Variants in AK7 observed in about 807,000 individuals in gnomAD.
AK7 encodes ATP-AMP transphosphorylase 7.
Under a neutral mutation model 96.6 loss-of-function variants are expected in AK7, and 78 were observed. The ratio of observed to expected loss-of-function variants is 0.81; its 90% confidence interval spans 0.67 to 0.97. AK7 has a LOEUF of 0.97. AK7 is among the 50% of genes least tolerant of loss of function. AK7 has a pLI of 0.00. For missense variants in AK7, 855 were observed against 887.9 expected, an observed-to-expected ratio of 0.96 and a Z score of 0.47; for synonymous variants, 302 against 317.2, an observed-to-expected ratio of 0.95 and a Z score of 0.51.
intron 12 of AK7, among the ~76,000 whole-genome samples, chr14:96,471,243 G>T (rs1894865513): frequency 6.7e-6 from 1 of 149,084 alleles, no homozygotes. Flanking sequence ...GAGGTGGGAA[G>T]ATTGCAGAGC....
Position 96,420,054 on chromosome 14 carries a change from C to T in AK7, c.499-768C>T, listed in dbSNP as rs562409821. On this transcript the variant is annotated intron_variant, in intron 4 of 17. Coordinates refer to ENST00000267584, the MANE Select transcript of AK7 (RefSeq NM_152327.5). The stretch of plus-strand genomic sequence containing the variant: ...CTAATTTTCATATTTTTAGTAGAGA[C>T]GGGGTTTCATCATGTTAGCCAGGCT... Among the ~76,000 whole-genome samples the T allele has an allele frequency of 4.6e-5, 7 of 151,538 alleles. No individual in the cohort carries two copies. The East Asian group carries it at 7.9e-4, about 17-fold the overall frequency.
intron 5 of AK7, among the ~76,000 whole-genome samples, chr14:96,435,753 G>T (rs1012093212): frequency 6.6e-6 from 1 of 152,172 alleles, no homozygotes; most frequent in African/African-American, 2.4e-5. Flanking sequence ...AGGCTGGTTT[G>T]AATGCTCCTT....
intron 1 of AK7, 72 bp from the exon 2 acceptor site, chr14:96,398,003 T>A: frequency 6.7e-7 from 1 of 1,496,848 alleles, no homozygotes; most frequent in Non-Finnish European, 9.1e-7. Context: ...GGTAAGTTTC[T>A]AGAATCATCA....
At chr14:96,408,107 C>T (rs1890828855) in intron 3 of AK7, among the ~76,000 whole-genome samples, 1 of 152,214 alleles carries the variant, frequency 6.6e-6, no homozygotes, top group Non-Finnish European at 1.5e-5. Flanking sequence ...TCCACTACAG[C>T]CCACAGCCCC....
chr14:96,433,309 A>G (rs527257547), intron 5 of AK7, among the ~76,000 whole-genome samples: 2 of 152,294 alleles, frequency 1.3e-5, no homozygotes, highest in South Asian at 2.1e-4. Flanking sequence ...AGGTACGCCA[A>G]TCAAACATAG....
Position 96,477,283 on chromosome 14 carries a change from G to A in AK7, c.1556-1182G>A, listed in dbSNP as rs148849160. ...GTTCACACATGTCCACATGCCTCGG[G>A]GACACACCTCCTGTGGGCTTTCCCC... is the stretch of plus-strand genomic sequence containing the variant. On this transcript the variant is annotated intron_variant, in intron 14 of 17. Transcript: ENST00000267584. Among the ~76,000 whole-genome samples the A allele has an allele frequency of 7.3e-3, 1,113 of 152,244 alleles. 5 individuals are homozygous for A. Among genetic ancestry groups the A allele is most frequent in the East Asian group, 0.016 (85 of 5,186 alleles).
At position 96,458,560 on chromosome 14, in the gene AK7, G is replaced by A. The variant is rs12435933; in HGVS notation, c.1357+348G>A. Among the ~76,000 whole-genome samples, 1,220 of 152,020 alleles carry A rather than the reference G, an allele frequency of 8.0e-3. 28 individuals carry two copies. The highest frequency in any genetic ancestry group is 0.074 in the East Asian group (379 of 5,134). On this transcript the variant is annotated intron_variant, in intron 12 of 17. Transcript: ENST00000267584. The stretch of plus-strand genomic sequence containing the variant: ...AGTTTGAGACCAGCCTAGGCAACAT[G>A]GTGAACCCCATCTCTACTAAAAATA...
Position 96,451,407 on chromosome 14 carries a change from C to T in AK7, c.949-14C>T. ...CAAAAAAAGACAAATCTCTAATTGTCCTCTATCTTTCAGCAAGATTGTCTT... is the reference window on the plus strand; with the variant it reads ...CAAAAAAAGACAAATCTCTAATTGTTCTCTATCTTTCAGCAAGATTGTCTT... On this transcript the variant is annotated splice_polypyrimidine_tract_variant and intron_variant, in intron 9 of 17. Coordinates refer to ENST00000267584, the MANE Select transcript of AK7 (RefSeq NM_152327.5). The T allele has an allele frequency of 4.5e-6, 7 of 1,547,914 alleles. No homozygotes were observed. The highest frequency in any genetic ancestry group is 6.1e-6 in the Non-Finnish European group (7 of 1,142,900).
chr14:96,443,384 C>T (rs1467402698), intron 7 of AK7, among the ~76,000 whole-genome samples: 1 of 152,204 alleles, frequency 6.6e-6, no homozygotes, highest in Non-Finnish European at 1.5e-5. Context: ...GGTTCATCAG[C>T]TCCAGCTTCC....
Position 96,434,781 on chromosome 14 carries a change from C to T in AK7, c.610-3054C>T, listed in dbSNP as rs749937016. Reference sequence around the variant, plus strand: ...GTCTACCTGGCGTTCTATTGTATTGCGGCTGAGCTAGCACTCACACCACAA... The same window carrying T: ...GTCTACCTGGCGTTCTATTGTATTGTGGCTGAGCTAGCACTCACACCACAA... On this transcript the variant is annotated intron_variant, in intron 5 of 17. Transcript: ENST00000267584. Among the ~76,000 whole-genome samples the T allele has an allele frequency of 5.3e-5, 8 of 152,268 alleles. No individual in the cohort carries two copies. The South Asian group carries it at 6.2e-4, about 12-fold the overall frequency.
chr14:96,454,506 G>A (rs1893781531), intron 10 of AK7, among the ~76,000 whole-genome samples: 3 of 151,598 alleles, frequency 2.0e-5, no homozygotes, highest in African/African-American at 2.4e-5. Context: ...GAGACAGGGT[G>A]TTGCTCTGTT....
Position 96,482,904 on chromosome 14 carries a change from T to C in AK7, c.1754-95T>C, listed in dbSNP as rs1895575053. On this transcript the variant is annotated intron_variant, in intron 15 of 17. Transcript: ENST00000267584. Reference sequence around the variant, plus strand: ...AAACCCTATGTGGTAATTTACATAATTGACTATCGCAAGTTTATAGTAATA... The same window carrying C: ...AAACCCTATGTGGTAATTTACATAACTGACTATCGCAAGTTTATAGTAATA... The C allele has an allele frequency of 9.9e-6, 12 of 1,213,542 alleles. No homozygotes were observed. The East Asian group carries it at 2.4e-4, about 24-fold the overall frequency. The allele number at this position is 1,213,542 out of a possible 1,614,324, so 75.2% of individuals were successfully genotyped here.
At chr14:96,472,849 A>AG in intron 14 of AK7, 94 bp downstream of exon 14, 1 of 977,664 alleles carries the variant, frequency 1.0e-6, no homozygotes, top group Non-Finnish European at 1.6e-6. Flanking sequence ...TGGGAGGCCA[A>AG]GGCGGGTGGA....
chr14:96,421,118 C>T (rs1039556579), intron 5 of AK7, among the ~76,000 whole-genome samples, 186 bp downstream of exon 5: 2 of 152,128 alleles, frequency 1.3e-5, no homozygotes, highest in African/African-American at 2.4e-5. Context: ...CACCACCCAG[C>T]CGAGCTTGAG....
Position 96,449,951 on chromosome 14 carries a change from T to C in AK7, c.948+72T>C. 4.1e-6 allele frequency: 5 copies of C among 1,222,106 alleles called. No individual in the cohort carries two copies. In the South Asian group the frequency reaches 5.6e-5, roughly 14 times the overall value. 75.7% of individuals were successfully genotyped at this position (1,222,106 alleles called of 1,614,324 possible). A position where few individuals can be genotyped will look rare whatever the true frequency, so the allele number is the denominator to read the frequency against. On this transcript the variant is annotated intron_variant, in intron 9 of 17. Coordinates refer to ENST00000267584, the MANE Select transcript of AK7 (RefSeq NM_152327.5). ...ATATGGAGTATTGTTATTTTTTTAA[T>C]ATCAGATAGGTTTTGGCTAAATAAC...
At chr14:96,486,795 T>C in intron 16 of AK7, 103 bp from the exon 17 acceptor site, 1 of 1,018,094 alleles carries the variant, frequency 9.8e-7, no homozygotes, top group South Asian at 1.5e-5. Context: ...TCATAGATGG[T>C]GACCATTTCT....
chr14:96,427,881 A>G (rs888204779), intron 5 of AK7, among the ~76,000 whole-genome samples: 1 of 152,176 alleles, frequency 6.6e-6, no homozygotes. Flanking sequence ...ACTCAGAAAC[A>G]AGTAGATCAT....
intron 2 of AK7, among the ~76,000 whole-genome samples, chr14:96,404,253 T>C (rs1034411344): frequency 1.3e-5 from 2 of 152,106 alleles, no homozygotes; most frequent in Non-Finnish European, 2.9e-5. Context: ...TAAAAGTTTC[T>C]GTATTTTTAA....
chr14:96,425,071 A>G (rs1448562998), intron 5 of AK7, among the ~76,000 whole-genome samples: 1 of 152,206 alleles, frequency 6.6e-6, no homozygotes, highest in Non-Finnish European at 1.5e-5. Context: ...TACACCATTA[A>G]TAAGATTGAT....
Sources: gnomAD v4.1 joint callset for allele counts (sites outside exome capture counted in the v4.1 genomes callset) on GRCh38, gnomAD v4.1.1 for gene constraint, MANE v1.5 for transcripts, NCBI Gene and HGNC (gene_info 2026-07-23, HGNC 2026-07-21) for gene names.